Variants in POT1 observed in about 807,000 individuals in gnomAD.
POT1 encodes protection of telomeres 1, also known as protection of telomeres protein 1.
In POT1, 47 loss-of-function variants were observed where a neutral mutation model predicts 78.5. The ratio of observed to expected loss-of-function variants is 0.60; its 90% CI spans 0.47 to 0.76. The LOEUF (loss-of-function observed/expected upper bound fraction) is 0.76. POT1 is among the 30% of genes least tolerant of loss of function. The pLI is 0.00. For synonymous variants in POT1, 259 were observed against 260.7 expected (o/e 0.99, Z 0.06); for missense variants, 646 against 749.9 (o/e 0.86, Z 1.62).
chr7:124,840,735 T>G (rs992392900), intron 14 of POT1: 7 of 319,326 alleles, frequency 2.2e-5, no homozygotes, highest in Non-Finnish European at 2.9e-5. Context: ...TCCAACAATA[T>G]AGTTAAATGT....
rs1205837320 is a variant in POT1 at position 124,892,202 on chromosome 7, A to AACCCTGT, written c.124+63_124+64insACAGGGT. The AACCCTGT allele has an allele frequency of 1.0e-5, 10 of 992,154 alleles. No homozygotes were observed. The African/African-American group carries it at 1.6e-4, about 15-fold the overall frequency. The allele number at this position is 992,154 out of a possible 1,614,324, so 61.5% of individuals were successfully genotyped here. ...ATTCTAGGACTTAGGGTACAGATGG[A>AACCCTGT]ACCGTGTTCCTAAATCAATAATGCA... On this transcript the variant is annotated intron_variant, in intron 6 of 18. Coordinates refer to ENST00000357628, the MANE Select transcript of POT1 (RefSeq NM_015450.3).
Position 124,883,651 on chromosome 7 carries a change from T to C in POT1, c.124+8615A>G, listed in dbSNP as rs553772989. On this transcript the variant is annotated intron_variant, in intron 6 of 18. Transcript: ENST00000357628. ...TATCACAGGTCATGAGTTAACAACA[T>C]GGAGTTCAAAGTGGGAGAAGCATGA... Among the ~76,000 whole-genome samples, 499 of 152,162 alleles carry C rather than the reference T, an allele frequency of 3.3e-3. 1 individual carries two copies. Among genetic ancestry groups the C allele is most frequent in the Non-Finnish European group, 5.8e-3 (392 of 67,944 alleles).
chr7:124,877,082 A>C (rs553693211), intron 6 of POT1, among the ~76,000 whole-genome samples: 5 of 152,294 alleles, frequency 3.3e-5, no homozygotes, highest in African/African-American at 1.2e-4. Flanking sequence ...AAGTCACATA[A>C]TTGTGAAATT....
rs1217067448 is a variant in POT1 at position 124,886,402 on chromosome 7, TTC to T, written c.124+5862_124+5863del. ...TGTTCCTGTACATCTATTCTTGTAC[TTC>T]TCTGTGGTAATACTAATGAAGGTTA... On this transcript the variant is annotated intron_variant, in intron 6 of 18. Transcript: ENST00000357628. Among the ~76,000 whole-genome samples, 5 of 152,286 alleles carry T rather than the reference TTC, an allele frequency of 3.3e-5. 1 individual carries two copies. The highest frequency in any genetic ancestry group is 3.3e-4 in the Admixed American group (5 of 15,282).
At chr7:124,827,099 A>C (rs1034660439) in intron 17 of POT1, 115 bp downstream of exon 17, 1 of 453,506 alleles carries the variant, frequency 2.2e-6, no homozygotes, top group Non-Finnish European at 3.7e-6. Flanking sequence ...TATTTTACTT[A>C]TATTTTTAAG....
intron 6 of POT1, among the ~76,000 whole-genome samples, chr7:124,887,245 A>C (rs1045585722): frequency 6.6e-6 from 1 of 152,122 alleles, no homozygotes; most frequent in Non-Finnish European, 1.5e-5. Context: ...ATAGGTCTTC[A>C]AGCACAAATT....
At chr7:124,898,194 T>A (rs1000973548) in intron 4 of POT1, 67 bp downstream of exon 4, 2 of 151,990 alleles carry the variant, frequency 1.3e-5, no homozygotes, top group African/African-American at 4.8e-5. Context: ...ACAGAAATAC[T>A]TTCAATCCCA....
At chr7:124,894,529 A>T (rs773335678) in intron 5 of POT1, among the ~76,000 whole-genome samples, 1 of 151,638 alleles carries the variant, frequency 6.6e-6, no homozygotes, top group Non-Finnish European at 1.5e-5. Context: ...TGTGTACAAC[A>T]GCTAAGATAT....
At chr7:124,849,817 A>G (rs757674695) in intron 11 of POT1, among the ~76,000 whole-genome samples, 1 of 152,156 alleles carries the variant, frequency 6.6e-6, no homozygotes, top group Non-Finnish European at 1.5e-5. Context: ...AAGATCTATA[A>G]TATATTGTTG....
At chr7:124,871,523 A>G (rs771140401) in intron 6 of POT1, among the ~76,000 whole-genome samples, 33 of 152,110 alleles carry the variant, frequency 2.2e-4, no homozygotes, top group Non-Finnish European at 4.0e-4. Context: ...ACAAATGAAT[A>G]AACAATACAT....
At chr7:124,924,194 T>G (rs899823981) in intron 2 of POT1, among the ~76,000 whole-genome samples, 4 of 139,886 alleles carry the variant, frequency 2.9e-5, no homozygotes, top group African/African-American at 1.0e-4. Flanking sequence ...GAAAAAAAAG[T>G]TGGTTATTTA....
chr7:124,910,420 A>T (rs1479288489), intron 3 of POT1, among the ~76,000 whole-genome samples: 3 of 151,984 alleles, frequency 2.0e-5, no homozygotes, highest in African/African-American at 7.2e-5. Context: ...AAAAGTGCTT[A>T]TCACCATCAT....
chr7:124,848,265 A>G (rs1311999599), intron 11 of POT1, among the ~76,000 whole-genome samples: 1 of 152,018 alleles, frequency 6.6e-6, no homozygotes, highest in Non-Finnish European at 1.5e-5. Flanking sequence ...AAAACTCTAA[A>G]TAACTACTAA....
chr7:124,901,656 A>T (rs1171673528), intron 3 of POT1, among the ~76,000 whole-genome samples: 1 of 152,218 alleles, frequency 6.6e-6, no homozygotes, highest in Non-Finnish European at 1.5e-5. Context: ...CCAGCAATGG[A>T]ACAAAGCTGG....
chr7:124,843,749 A>T (rs1795088709), intron 12 of POT1, among the ~76,000 whole-genome samples: 1 of 152,210 alleles, frequency 6.6e-6, no homozygotes, highest in Non-Finnish European at 1.5e-5. Context: ...TAACACTTTC[A>T]TGTGTTTTAG....
At chr7:124,923,698 T>A (rs1797205597) in intron 2 of POT1, among the ~76,000 whole-genome samples, 1 of 151,008 alleles carries the variant, frequency 6.6e-6, no homozygotes, top group Non-Finnish European at 1.5e-5. Flanking sequence ...GAAAATACAC[T>A]GCAAAAAGGA....
chr7:124,864,395 G>A (rs556236326), intron 7 of POT1, among the ~76,000 whole-genome samples: 1 of 151,998 alleles, frequency 6.6e-6, no homozygotes, highest in South Asian at 2.1e-4. Flanking sequence ...CCTTGCAATT[G>A]GAAATTAGTC....
intron 2 of POT1, among the ~76,000 whole-genome samples, chr7:124,916,088 T>C (rs1253385164): frequency 1.3e-5 from 2 of 152,176 alleles, no homozygotes; most frequent in African/African-American, 4.8e-5. Flanking sequence ...TACAGTTTAG[T>C]CTTTGTTCAG....
intron 3 of POT1, among the ~76,000 whole-genome samples, chr7:124,898,879 G>C (rs1413452247): frequency 6.6e-6 from 1 of 152,142 alleles, no homozygotes; most frequent in Non-Finnish European, 1.5e-5. Flanking sequence ...GTTTGTAACA[G>C]TAGTAAGAAG....
Sources: gnomAD v4.1 joint callset for allele counts (sites outside exome capture counted in the v4.1 genomes callset) on GRCh38, gnomAD v4.1.1 for gene constraint, MANE v1.5 for transcripts, NCBI Gene and HGNC (gene_info 2026-07-23, HGNC 2026-07-21) for gene names.